AGAP3: variants seen among roughly 807,000 people sequenced by gnomAD.
AGAP3 encodes arf-GAP with GTPase, ANK repeat and PH domain-containing protein 3.
AGAP3 carries 24 observed loss-of-function variants against 96.9 expected under a neutral mutation model. The ratio of observed to expected loss-of-function variants is 0.25; its 90% confidence interval spans 0.18 to 0.35. The LOEUF is 0.35. Among genes scored for constraint, AGAP3 ranks in the 10% least tolerant of loss-of-function variants. AGAP3 has a pLI of 1.00. For synonymous variants in AGAP3, 563 were observed against 536.1 expected (o/e 1.05, Z -0.69); for missense variants, 876 against 1,254.2 (o/e 0.70, Z 4.55).
At chr7:151,137,045 A>G (rs780778015) in intron 11 of AGAP3, among the ~76,000 whole-genome samples, 2 of 152,252 alleles carry the variant, frequency 1.3e-5, no homozygotes, top group Admixed American at 6.5e-5. Flanking sequence ...GACAGATACA[A>G]GAGGAACATA....
At chr7:151,107,211 G>A (rs1174637861) in intron 1 of AGAP3, among the ~76,000 whole-genome samples, 1 of 152,108 alleles carries the variant, frequency 6.6e-6, no homozygotes, top group Non-Finnish European at 1.5e-5. Context: ...TCGGGAGGCT[G>A]AGGCAGGAGA....
At position 151,086,913 on chromosome 7, in the gene AGAP3, C is replaced by T. The variant is rs750348682; in HGVS notation, c.172C>T (p.Pro58Ser). Residue 58 changes from proline (P) to serine (S), a missense_variant, in exon 1 of 18, where the codon CCC (proline) becomes TCC (serine). By Grantham distance (74) the Pro-to-Ser change is moderately conservative. Around this residue, in one of 8 missense-constraint regions of AGAP3, gnomAD observed 62 missense variants for 82.8 expected, o/e 0.75. Coordinates refer to ENST00000397238, the MANE Select transcript of AGAP3 (RefSeq NM_031946.7). Reference protein sequence around the residue: ...GPSQQLAGGPPQQFALSNSAA... With the variant: ...GPSQQLAGGPSQQFALSNSAA... ...CTCGCAGCAGCTGGCCGGCGGGCCC[C>T]CCCAGCAGTTCGCGCTCTCCAACTC... 2.2e-5 allele frequency: 35 copies of T among 1,580,464 alleles called. 1 individual carries two copies. In the African/African-American group the frequency reaches 4.1e-4, roughly 19 times the overall value.
At chr7:151,122,895 CCA>C in intron 8 of AGAP3, 1 of 1,528,430 alleles carries the variant, frequency 6.5e-7, no homozygotes, top group Non-Finnish European at 8.7e-7. Context: ...GCCGAGCTCC[CCA>C]CTCCAGAGAC....
chr7:151,103,241 G>T (rs1798904364), intron 1 of AGAP3, among the ~76,000 whole-genome samples: 1 of 152,240 alleles, frequency 6.6e-6, no homozygotes, highest in Non-Finnish European at 1.5e-5. Context: ...GCCCAAGGCT[G>T]CTCATTCAAA....
At chr7:151,116,477 C>G (rs1799589266) in intron 1 of AGAP3, 1 of 438,202 alleles carries the variant, frequency 2.3e-6, no homozygotes, top group Non-Finnish European at 4.1e-6. Flanking sequence ...GGGCACTAGG[C>G]CAGGTGTGGC....
At chr7:151,112,006 T>G (rs1799309995) in intron 1 of AGAP3, among the ~76,000 whole-genome samples, 1 of 152,180 alleles carries the variant, frequency 6.6e-6, no homozygotes, top group South Asian at 2.1e-4. Context: ...AGCACAGCTG[T>G]GTTTGCTGCG....
chr7:151,128,270 G>A (rs978462645), intron 9 of AGAP3: 12 of 352,422 alleles, frequency 3.4e-5, no homozygotes, highest in South Asian at 2.4e-4. Context: ...ATCTACACCC[G>A]ACGGTCTACA....
chr7:151,131,411 T>C (rs1333939006), intron 10 of AGAP3: 1 of 152,232 alleles, frequency 6.6e-6, no homozygotes, highest in Non-Finnish European at 1.5e-5. Context: ...GCTGGGTAAT[T>C]AGCGAGGAGG....
chr7:151,123,064 G>T, intron 8 of AGAP3: 2 of 1,264,168 alleles, frequency 1.6e-6, no homozygotes, highest in Non-Finnish European at 2.0e-6. Context: ...TGGCCAGCGC[G>T]ACGAGGCCCA....
At chr7:151,093,588 A>C (rs553623288) in intron 1 of AGAP3, among the ~76,000 whole-genome samples, 14 of 152,284 alleles carry the variant, frequency 9.2e-5, no homozygotes, top group Non-Finnish European at 1.6e-4. Flanking sequence ...GAGCAGTCGG[A>C]TGTGCATCCT....
At chr7:151,103,154 T>G (rs144755197) in intron 1 of AGAP3, among the ~76,000 whole-genome samples, 12 of 152,366 alleles carry the variant, frequency 7.9e-5, no homozygotes, top group South Asian at 2.1e-4. Context: ...CCTGCAATTT[T>G]TGGAGCATCC....
intron 8 of AGAP3, 46 bp from the exon 9 acceptor site, chr7:151,123,748 G>A (rs764277057): frequency 5.0e-6 from 8 of 1,606,144 alleles, no homozygotes; most frequent in African/African-American, 4.0e-5. Context: ...GGCAGCTCTC[G>A]GCAGACCCTG....
rs543345093 is a variant in AGAP3 at position 151,107,087 on chromosome 7, A to T, written c.332-9706A>T. On this transcript the variant is annotated intron_variant, in intron 1 of 17. Coordinates refer to ENST00000397238, the MANE Select transcript of AGAP3 (RefSeq NM_031946.7). ...CACTTTGGGGGGCCAAGGGAGGTAG[A>T]TCACCTGAGGTCAGGAGCTCGAGAC... is the stretch of plus-strand genomic sequence containing the variant. Among the ~76,000 whole-genome samples, 4 of 152,214 alleles carry T rather than the reference A, an allele frequency of 2.6e-5. No homozygotes were observed. The South Asian group carries it at 6.2e-4, about 24-fold the overall frequency.
At position 151,140,126 on chromosome 7, in the gene AGAP3, AC is replaced by A. The variant is rs1291079918; in HGVS notation, c.1804+13del. On this transcript the variant is annotated intron_variant, in intron 13 of 17. Transcript: ENST00000397238. This position sits in a 1 kb window ranked among gnomAD's most constrained non-coding sequence, Gnocchi z 5.4. ...AGCAGTGCTACTGAAGGTTAGGGGG[AC>A]CCAGAGGGAAACCGGGCACAGGAGG... 6.4e-7 allele frequency: 1 copy of A among 1,570,272 alleles called. No homozygotes were observed. Among genetic ancestry groups the A allele is most frequent in the Non-Finnish European group, 8.6e-7 (1 of 1,160,042 alleles).
rs142790127 is a variant in AGAP3 at position 151,120,002 on chromosome 7, G to A, written c.985G>A (p.Gly329Ser). Reference sequence around the variant, plus strand: ...TTGTCCTTAGGCCACGAATGGCGGCGGCAGCGCCTTCAGCGACTACTCGTC... The same window carrying A: ...TTGTCCTTAGGCCACGAATGGCGGCAGCAGCGCCTTCAGCGACTACTCGTC... ...VHINQATNGG[G>S]SAFSDYSSSV... Residue 329 changes from glycine (G) to serine (S), a missense_variant, in exon 8 of 18, where the codon GGC becomes AGC. Coordinates refer to ENST00000397238, the MANE Select transcript of AGAP3 (RefSeq NM_031946.7). 12 of 1,613,260 alleles carry A rather than the reference G, an allele frequency of 7.4e-6. No homozygotes were observed. Among genetic ancestry groups the A allele is most frequent in the African/African-American group, 2.7e-5 (2 of 75,040 alleles).
intron 10 of AGAP3, among the ~76,000 whole-genome samples, chr7:151,130,366 G>A (rs1428014326): frequency 2.0e-5 from 3 of 152,164 alleles, no homozygotes; most frequent in African/African-American, 7.2e-5. Flanking sequence ...GAGCTCAGGG[G>A]GGTTGGTGGC....
intron 11 of AGAP3, chr7:151,137,849 A>G (rs1800662018): frequency 6.5e-6 from 3 of 461,608 alleles, no homozygotes; most frequent in Admixed American, 8.0e-5. Flanking sequence ...AGCACCACCC[A>G]GCTCGTTCCA....
Position 151,090,766 on chromosome 7 carries a change from AC to A in AGAP3, c.331+3699del, listed in dbSNP as rs1253681853. Among the ~76,000 whole-genome samples the A allele has an allele frequency of 4.0e-5, 6 of 151,536 alleles. No homozygotes were observed. The East Asian group carries it at 9.8e-4, about 25-fold the overall frequency. The stretch of plus-strand genomic sequence containing the variant: ...AGACCATCCTGGTTAACATGGTGAA[AC>A]CCCCGTCTCTACTAAAAATACGAAA... On this transcript the variant is annotated intron_variant, in intron 1 of 17. Transcript: ENST00000397238.
At chr7:151,093,954 A>G (rs936254204) in intron 1 of AGAP3, among the ~76,000 whole-genome samples, 3 of 152,126 alleles carry the variant, frequency 2.0e-5, no homozygotes, top group African/African-American at 4.8e-5. Context: ...CTGTCAAGTG[A>G]GCACCTGAGC....
Sources: allele counts gnomAD v4.1 joint callset (sites outside exome capture counted in the v4.1 genomes callset), GRCh38; gene constraint gnomAD v4.1.1; regional missense constraint gnomAD v4.1.1; non-coding constraint Gnocchi (gnomAD v3.1); transcripts MANE v1.5; gene names NCBI Gene and HGNC (gene_info 2026-07-23, HGNC 2026-07-21).